The following ZDHHC14 variants were observed in gnomAD, a reference collection of about 807,000 sequenced individuals.
ZDHHC14 encodes the protein palmitoyltransferase ZDHHC14.
ZDHHC14 carries 16 observed loss-of-function variants against 47.7 expected under a neutral mutation model. That is an observed-to-expected ratio of 0.34 (90% CI 0.23 to 0.51). ZDHHC14 has a LOEUF of 0.51. Ranked by LOEUF, ZDHHC14 falls within the 20% of genes least tolerant of loss-of-function variation. The pLI, the probability that ZDHHC14 is intolerant of heterozygous loss-of-function variation, is 0.97. For missense variants in ZDHHC14, 515 were observed against 662.5 expected (o/e 0.78, Z 2.44); for synonymous variants, 293 against 278.9 (o/e 1.05, Z -0.50).
intron 3 of ZDHHC14, among the ~76,000 whole-genome samples, chr6:157,601,096 C>T (rs1784321072): frequency 6.6e-6 from 1 of 152,172 alleles, no homozygotes; most frequent in Non-Finnish European, 1.5e-5. Flanking sequence ...GGCTCCTGAC[C>T]CACAAAAATC....
rs1783692084 is a variant in ZDHHC14, at chr6:157,586,198, GC to G, written c.407-6785del. ...GTCCCCAGCTCAGAGCCCAGGGCTG[GC>G]CCCCAGTAGAAGCACAATACAGATC... On this transcript the variant is annotated intron_variant, in intron 2 of 8. Coordinates refer to ENST00000359775, the MANE Select transcript of ZDHHC14 (RefSeq NM_024630.3). The surrounding 1 kb of genome is among the most constrained non-coding windows in gnomAD (Gnocchi z 4.6). Among the ~76,000 whole-genome samples the G allele has an allele frequency of 6.6e-6, 1 of 152,118 alleles. No homozygotes were observed. The highest frequency in any genetic ancestry group is 6.5e-5 in the Admixed American group (1 of 15,282).
chr6:157,621,120 A>G (rs1409131824), intron 3 of ZDHHC14, among the ~76,000 whole-genome samples: 1 of 152,176 alleles, frequency 6.6e-6, no homozygotes, highest in African/African-American at 2.4e-5. Flanking sequence ...AGATCTTACC[A>G]AAAGACCTAG....
chr6:157,639,300 T>G (rs1258940209), intron 5 of ZDHHC14, among the ~76,000 whole-genome samples: 3 of 152,150 alleles, frequency 2.0e-5, no homozygotes, highest in Non-Finnish European at 4.4e-5. Flanking sequence ...TAAAGAACAT[T>G]TTTTTCTTTT....
At chr6:157,409,839 T>TGGG (rs898936402) in intron 1 of ZDHHC14, among the ~76,000 whole-genome samples, 8 of 150,506 alleles carry the variant, frequency 5.3e-5, no homozygotes, top group African/African-American at 2.0e-4. Context: ...TTTTATTTTT[T>TGGG]GGGGGGGGGG....
At chr6:157,403,413 A>G (rs1777683255) in intron 1 of ZDHHC14, among the ~76,000 whole-genome samples, 1 of 152,044 alleles carries the variant, frequency 6.6e-6, no homozygotes, top group African/African-American at 2.4e-5. Context: ...TATTTTCTTC[A>G]ATGTTTTACC....
intron 1 of ZDHHC14, among the ~76,000 whole-genome samples, chr6:157,452,549 G>A (rs918213886): frequency 4.6e-5 from 7 of 152,092 alleles, no homozygotes; most frequent in African/African-American, 1.7e-4. Flanking sequence ...GTGCAACTCT[G>A]TAATTTCAGC....
At chr6:157,455,549 C>T (rs1437498973) in intron 1 of ZDHHC14, among the ~76,000 whole-genome samples, 2 of 152,104 alleles carry the variant, frequency 1.3e-5, no homozygotes, top group East Asian at 1.9e-4. Flanking sequence ...GCCCTGATGC[C>T]GCCGGCCTTT....
At chr6:157,556,877 G>C (rs968313516) in intron 2 of ZDHHC14, among the ~76,000 whole-genome samples, 1 of 152,220 alleles carries the variant, frequency 6.6e-6, no homozygotes, top group Non-Finnish European at 1.5e-5. Context: ...GGAGAAGCCA[G>C]TGAGAGGTGG....
intron 8 of ZDHHC14, among the ~76,000 whole-genome samples, chr6:157,660,677 A>G (rs1300264615): frequency 1.3e-5 from 2 of 152,162 alleles, no homozygotes; most frequent in Non-Finnish European, 2.9e-5. Flanking sequence ...TTAAGTCAGA[A>G]TCCTAGGGTG....
At chr6:157,400,488 T>C (rs1777612813) in intron 1 of ZDHHC14, among the ~76,000 whole-genome samples, 1 of 152,222 alleles carries the variant, frequency 6.6e-6, no homozygotes, top group African/African-American at 2.4e-5. Context: ...AAGGAAAATT[T>C]CATGAAACAA....
chr6:157,582,337 C>A lies in ZDHHC14; in HGVS notation c.407-10651C>A, dbSNP rs1034151846. 6.6e-6 allele frequency among the ~76,000 whole-genome samples: 1 copy of A among 152,202 alleles called. No individual in the cohort carries two copies. Among genetic ancestry groups the A allele is most frequent in the Non-Finnish European group, 1.5e-5 (1 of 68,042 alleles). The stretch of plus-strand genomic sequence containing the variant: ...GTGGTTGCTTTATAGAGTCACCAGT[C>A]TGTGTACTTGAGTGTGTTTTTGTAG... On this transcript the variant is annotated intron_variant, in intron 2 of 8. Transcript: ENST00000359775. This position sits in a 1 kb window ranked among gnomAD's most constrained non-coding sequence, Gnocchi z 4.3.
intron 1 of ZDHHC14, among the ~76,000 whole-genome samples, chr6:157,460,057 C>CAAAAAAAAAAAAAAA (rs35995673): frequency 8.5e-6 from 1 of 118,232 alleles, no homozygotes; most frequent in African/African-American, 3.2e-5. Flanking sequence ...ACTAAAAATA[C>CAAAAAAAAAAAAAAA]AAAAAAAAAA....
intron 1 of ZDHHC14, among the ~76,000 whole-genome samples, chr6:157,456,569 A>C (rs898735525): frequency 6.6e-6 from 1 of 152,218 alleles, no homozygotes; most frequent in African/African-American, 2.4e-5. Context: ...TCAAGAATTG[A>C]GTAAGACAAA....
At chr6:157,667,831 T>A (rs1250110588) in intron 8 of ZDHHC14, among the ~76,000 whole-genome samples, 1 of 152,168 alleles carries the variant, frequency 6.6e-6, no homozygotes, top group African/African-American at 2.4e-5. Flanking sequence ...GATATCTAAG[T>A]TTTTTCTAAG....
chr6:157,632,708 G>A (rs1183282158), intron 4 of ZDHHC14, 126 bp from the exon 5 acceptor site: 24 of 950,660 alleles, frequency 2.5e-5, no homozygotes, highest in South Asian at 1.1e-4. Context: ...ACTGGGTGTC[G>A]TAGCACTTAC....
In ZDHHC14 at chr6:157,586,632, GT is replaced by G. The variant is rs1352037711; in HGVS notation, c.407-6355del. On this transcript the variant is annotated intron_variant, in intron 2 of 8. Coordinates refer to ENST00000359775, the MANE Select transcript of ZDHHC14 (RefSeq NM_024630.3). The surrounding 1 kb of genome is among the most constrained non-coding windows in gnomAD (Gnocchi z 4.6). ...TGGCAAGACGGGCTCAAGACTTGCT[GT>G]GCTCATCAGACAGCCCAGCAGAGCC... Among the ~76,000 whole-genome samples, 1 of 152,188 alleles carries G rather than the reference GT, an allele frequency of 6.6e-6. No individual in the cohort carries two copies. The highest frequency in any genetic ancestry group is 1.5e-5 in the Non-Finnish European group (1 of 68,038).
chr6:157,382,286 C>G lies in ZDHHC14; in HGVS notation c.245+20C>G. On this transcript the variant is annotated intron_variant, in intron 1 of 8. Transcript: ENST00000359775. ...CTTCGAGTAAGTGGTGGCGACCGCT[C>G]CCCCGACGCCGCACTCCCCTGGTCT... 1 of 1,609,552 alleles carries G rather than the reference C, an allele frequency of 6.2e-7. No individual in the cohort carries two copies. The highest frequency in any genetic ancestry group is 8.5e-7 in the Non-Finnish European group (1 of 1,178,288).
intron 2 of ZDHHC14, among the ~76,000 whole-genome samples, chr6:157,564,186 G>A (rs1252469005): frequency 6.6e-6 from 1 of 152,204 alleles, no homozygotes; most frequent in Admixed American, 6.5e-5. Flanking sequence ...AACTGTTCTT[G>A]CATGGTGGTC....
chr6:157,487,156 A>AC (rs1779800573), intron 1 of ZDHHC14, among the ~76,000 whole-genome samples: 1 of 152,182 alleles, frequency 6.6e-6, no homozygotes, highest in South Asian at 2.1e-4. Flanking sequence ...ATGTAGAAGA[A>AC]CCCCTTTGAC....
Sources: allele counts gnomAD v4.1 joint callset (sites outside exome capture counted in the v4.1 genomes callset), GRCh38; gene constraint gnomAD v4.1.1; non-coding constraint Gnocchi (gnomAD v3.1); transcripts MANE v1.5; gene names NCBI Gene and HGNC (gene_info 2026-07-23, HGNC 2026-07-21).